Variants in FER1L5 observed in about 807,000 individuals in gnomAD.
The protein encoded by FER1L5 is fer-1-like protein 5.
Under a neutral mutation model 279.9 loss-of-function variants are expected in FER1L5, and 187 were observed. The observed-to-expected ratio is 0.67, with a 90% CI of 0.59 to 0.75. The LOEUF (loss-of-function observed/expected upper bound fraction) is 0.75. Among genes scored for constraint, FER1L5 ranks in the 30% least tolerant of loss-of-function variants. FER1L5 has a pLI of 0.00. For missense variants in FER1L5, 2,091 were observed against 2,594.4 expected, an observed-to-expected ratio of 0.81 and a Z score of 4.21; for synonymous variants, 921 against 989.7, an observed-to-expected ratio of 0.93 and a Z score of 1.30.
At position 96,692,089 on chromosome 2, in the gene FER1L5, C is replaced by T; in HGVS notation, c.3215-15C>T. On this transcript the variant is annotated splice_polypyrimidine_tract_variant and intron_variant, in intron 30 of 52. Coordinates refer to ENST00000624922, the MANE Select transcript of FER1L5 (RefSeq NM_001293083.2). ...GTCCTGGGGCAGGTGACAGGCATGG[C>T]TTCTCTTTCCCCAGAGCCCCACTAC... The T allele has an allele frequency of 6.4e-7, 1 of 1,551,330 alleles. No individual in the cohort carries two copies. The highest frequency in any genetic ancestry group is 1.2e-5 in the South Asian group (1 of 84,046).
In FER1L5 at chr2:96,694,631, TG is replaced by T; in HGVS notation, c.3741+168del. 1.9e-6 allele frequency: 1 copy of T among 524,450 alleles called. No individual in the cohort carries two copies. The highest frequency in any genetic ancestry group is 3.3e-6 in the Non-Finnish European group (1 of 306,516). The allele number at this position is 524,450 out of a possible 1,614,324, so 32.5% of individuals were successfully genotyped here. A position where few individuals can be genotyped will look rare whatever the true frequency, so the allele number is the denominator to read the frequency against. ...CAGGAGAGAAACGAAGAGGTTCTGG[TG>T]TAACACTGGAAATCATTTTACCACA... is the stretch of plus-strand genomic sequence containing the variant. On this transcript the variant is annotated intron_variant, in intron 34 of 52. Coordinates refer to ENST00000624922, the MANE Select transcript of FER1L5 (RefSeq NM_001293083.2). This position sits in a 1 kb window ranked among gnomAD's most constrained non-coding sequence, Gnocchi z 4.6.
In FER1L5 at chr2:96,663,439, C is replaced by T. The variant is rs777992671; in HGVS notation, c.1072C>T (p.Leu358Phe). The T allele has an allele frequency of 7.1e-6, 11 of 1,551,590 alleles. No individual in the cohort carries two copies. The highest frequency in any genetic ancestry group is 1.2e-5 in the South Asian group (1 of 84,062). The change falls in exon 14 of 53, where the codon CTC (leucine) becomes TTC (phenylalanine). Residue 358 changes from leucine to phenylalanine, a missense_variant and splice_region_variant. Leu to Phe is a conservative substitution (Grantham distance 22, BLOSUM62 0). Coordinates refer to ENST00000624922, the MANE Select transcript of FER1L5 (RefSeq NM_001293083.2). The part of the protein sequence containing the change: ...QLEVELIGEK[L>F]RTHMQTQTDN... ...CCAACACTGCTTTGGGACATTCCAGCTCAGGACACACATGCAGACCCAAAC... is the reference window on the plus strand; with the variant it reads ...CCAACACTGCTTTGGGACATTCCAGTTCAGGACACACATGCAGACCCAAAC...
At chr2:96,675,765 G>A (rs2076488744) in intron 19 of FER1L5, among the ~76,000 whole-genome samples, 1 of 152,072 alleles carries the variant, frequency 6.6e-6, no homozygotes, top group African/African-American at 2.4e-5. Context: ...GTCTCACCAT[G>A]TGGCCCAGGC....
intron 12 of FER1L5, 39 bp from the exon 13 acceptor site, chr2:96,662,176 T>A: frequency 1.3e-6 from 2 of 1,547,284 alleles, no homozygotes; most frequent in Non-Finnish European, 1.7e-6. Context: ...TCCTGAAAAA[T>A]GCTGCTGGCT....
intron 51 of FER1L5, 103 bp from the exon 52 acceptor site, chr2:96,704,112 G>C: frequency 7.2e-7 from 1 of 1,386,988 alleles, no homozygotes; most frequent in Non-Finnish European, 9.7e-7. Flanking sequence ...CACTGTGCCT[G>C]GCCCAGTAGT....
At position 96,646,360 on chromosome 2, in the gene FER1L5, T is replaced by C; in HGVS notation, c.86-41T>C. 3 of 1,549,982 alleles carry C rather than the reference T, an allele frequency of 1.9e-6. No individual in the cohort carries two copies. The Admixed American group carries it at 5.9e-5, about 30-fold the overall frequency. On this transcript the variant is annotated intron_variant, in intron 1 of 52. Coordinates refer to ENST00000624922, the MANE Select transcript of FER1L5 (RefSeq NM_001293083.2). The stretch of plus-strand genomic sequence containing the variant: ...CCCCACTCCAACCCAGACGTTGAAA[T>C]ATTTCCTACCATCAATGCCAGCCTC...
At chr2:96,685,555 C>A in intron 21 of FER1L5, 126 bp downstream of exon 21, 1 of 801,338 alleles carries the variant, frequency 1.2e-6, no homozygotes, top group Non-Finnish European at 1.9e-6. Context: ...GCTCAGACCT[C>A]TCCCCAGCGG....
In FER1L5 at chr2:96,694,611, G is replaced by T; in HGVS notation, c.3741+147G>T. Reference sequence around the variant, plus strand: ...ACCTGGGAGGTGGAGGGAGACAGGAGAGAAACGAAGAGGTTCTGGTGTAAC... The same window carrying T: ...ACCTGGGAGGTGGAGGGAGACAGGATAGAAACGAAGAGGTTCTGGTGTAAC... On this transcript the variant is annotated intron_variant, in intron 34 of 52. Transcript: ENST00000624922. This position sits in a 1 kb window ranked among gnomAD's most constrained non-coding sequence, Gnocchi z 4.6. 1.7e-6 allele frequency: 1 copy of T among 572,794 alleles called. No homozygotes were observed. The highest frequency in any genetic ancestry group is 3.1e-5 in the East Asian group (1 of 32,570). The allele number at this position is 572,794 out of a possible 1,614,324, so 35.5% of individuals were successfully genotyped here.
intron 19 of FER1L5, among the ~76,000 whole-genome samples, chr2:96,677,130 C>T (rs141369399): frequency 0.012 from 1,857 of 152,368 alleles, 13 homozygotes; most frequent in Middle Eastern, 0.017. Context: ...GCGTGGGCCA[C>T]GATGCCCGTC....
At position 96,686,292 on chromosome 2, in the gene FER1L5, C is replaced by T. The variant is rs1316538799; in HGVS notation, c.2171C>T (p.Pro724Leu). Reference sequence around the variant, plus strand: ...CCTGCCCACTCCGTCCTCTTCTCCCCGGCAGGGGCTCTGCACTCCGGCAGG... The same window carrying T: ...CCTGCCCACTCCGTCCTCTTCTCCCTGGCAGGGGCTCTGCACTCCGGCAGG... Reference protein sequence around the residue: ...QVPAHSVLFSPAGALHSGRLC... With the variant: ...QVPAHSVLFSLAGALHSGRLC... The change falls in exon 23 of 53, where the codon CCG becomes CTG. Residue 724 changes from proline to leucine, a missense_variant. By Grantham distance (98) the Pro-to-Leu change is moderately conservative. Coordinates refer to ENST00000624922, the MANE Select transcript of FER1L5 (RefSeq NM_001293083.2). The T allele has an allele frequency of 1.0e-5, 16 of 1,551,474 alleles. No individual in the cohort carries two copies. The highest frequency in any genetic ancestry group is 3.6e-5 in the South Asian group (3 of 84,062).
intron 43 of FER1L5, 38 bp from the exon 44 acceptor site, chr2:96,699,894 C>G (rs768837245): frequency 6.2e-7 from 1 of 1,609,322 alleles, no homozygotes; most frequent in Non-Finnish European, 8.5e-7. Context: ...TCTTCAGGAC[C>G]CAAACCTCCA....
At chr2:96,643,346 T>C (rs1234069702) in intron 1 of FER1L5, among the ~76,000 whole-genome samples, 1 of 152,168 alleles carries the variant, frequency 6.6e-6, no homozygotes, top group Non-Finnish European at 1.5e-5. Context: ...ATTATTATTA[T>C]TTTTTATTTT....
Position 96,690,615 on chromosome 2 carries a change from T to C in FER1L5, c.2743+26T>C, listed in dbSNP as rs2077105208. 1.2e-5 allele frequency: 19 copies of C among 1,543,754 alleles called. No individual in the cohort carries two copies. In the East Asian group the frequency reaches 4.7e-4, roughly 38 times the overall value. ...GTCAGTCGTTTGGTCAGGGTTGGGA[T>C]CGGGAGAGACCAGGGCCTCAAAATA... On this transcript the variant is annotated intron_variant, in intron 27 of 52. Transcript: ENST00000624922.
intron 9 of FER1L5, among the ~76,000 whole-genome samples, chr2:96,657,810 T>C (rs2075659281): frequency 6.6e-6 from 1 of 152,200 alleles, no homozygotes; most frequent in Non-Finnish European, 1.5e-5. Context: ...TGCTGAGTAA[T>C]AGTCCAGCAT....
chr2:96,659,335 T>G (rs1394425932), intron 9 of FER1L5, among the ~76,000 whole-genome samples: 4 of 83,338 alleles, frequency 4.8e-5, no homozygotes, highest in Admixed American at 1.7e-4. Context: ...CCTTCCTTCC[T>G]TCCTTCCTTC....
intron 2 of FER1L5, 148 bp from the exon 3 acceptor site, chr2:96,646,916 C>T (rs1386261825): frequency 2.4e-6 from 2 of 823,872 alleles, no homozygotes; most frequent in East Asian, 2.7e-5. Context: ...TAGCAAACGC[C>T]ATCTCCTGAG....
chr2:96,693,502 C>G lies in FER1L5; in HGVS notation c.3293-4C>G. ...CACTGCTACCTTCTCCTCTACCCCT[C>G]CAGGGCCCTTCATTCGGGTGGTCTT... On this transcript the variant is annotated splice_polypyrimidine_tract_variant and splice_region_variant and intron_variant, in intron 31 of 52. Transcript: ENST00000624922. 1.3e-6 allele frequency: 2 copies of G among 1,550,984 alleles called. No individual in the cohort carries two copies. The highest frequency in any genetic ancestry group is 1.7e-6 in the Non-Finnish European group (2 of 1,146,648).
chr2:96,658,433 C>T (rs1014160445), intron 9 of FER1L5, among the ~76,000 whole-genome samples: 1 of 151,436 alleles, frequency 6.6e-6, no homozygotes, highest in Non-Finnish European at 1.5e-5. Flanking sequence ...TCTCCTGCCT[C>T]AGCCTCCCGA....
rs1443707799 is a variant in FER1L5 at position 96,691,393 on chromosome 2, G to A, written c.2907+40G>A. Reference sequence around the variant, plus strand: ...GGCGCCCTGGCTGGGACTGCGGGCAGGGCCGCCTTGGCTGCTGCAGGAACA... The same window carrying A: ...GGCGCCCTGGCTGGGACTGCGGGCAAGGCCGCCTTGGCTGCTGCAGGAACA... On this transcript the variant is annotated intron_variant, in intron 28 of 52. Transcript: ENST00000624922. This position sits in a 1 kb window ranked among gnomAD's most constrained non-coding sequence, Gnocchi z 6.0. 6.5e-7 allele frequency: 1 copy of A among 1,538,052 alleles called. No individual in the cohort carries two copies. Among genetic ancestry groups the A allele is most frequent in the South Asian group, 1.2e-5 (1 of 83,072 alleles).
Sources: allele counts gnomAD v4.1 joint callset (sites outside exome capture counted in the v4.1 genomes callset), GRCh38; gene constraint gnomAD v4.1.1; non-coding constraint Gnocchi (gnomAD v3.1); transcripts MANE v1.5; gene names NCBI Gene and HGNC (gene_info 2026-07-23, HGNC 2026-07-21).